Variants in XRN2 observed in about 807,000 individuals in gnomAD.
The protein encoded by XRN2 is 5'-3' exoribonuclease 2, also known as DHM1-like protein.
XRN2 carries 44 observed loss-of-function variants against 138.5 expected under a neutral mutation model. The observed-to-expected ratio is 0.32, with a 90% confidence interval of 0.25 to 0.41. The LOEUF is 0.41. Among genes scored for constraint, XRN2 ranks in the 10% least tolerant of loss-of-function variants. The probability of loss-of-function intolerance (pLI) is 1.00; values close to 1 mark genes in which losing one functional copy is unlikely to be tolerated. For synonymous variants in XRN2, 354 were observed against 369.4 expected, an observed-to-expected ratio of 0.96 and a Z score of 0.48; for missense variants, 937 against 1,169.3, an observed-to-expected ratio of 0.80 and a Z score of 2.90.
chr20:21,365,901 T>TATATATATA (rs2038691246), intron 26 of XRN2, among the ~76,000 whole-genome samples, 197 bp downstream of exon 26: 2 of 122,720 alleles, frequency 1.6e-5, no homozygotes, highest in Admixed American at 2.1e-4. Context: ...TATAATTATA[T>TATATATATA]ATATAATATA....
At chr20:21,352,024 G>C (rs6035853) in intron 20 of XRN2, among the ~76,000 whole-genome samples, 103,805 of 152,116 alleles carry the variant, frequency 0.68, 36,070 homozygotes, top group South Asian at 0.84. Flanking sequence ...TTCAAGGTCC[G>C]TTGAGATTTC....
intron 1 of XRN2, among the ~76,000 whole-genome samples, chr20:21,320,267 T>TTATTTATTTATTTATG (rs1555783260): frequency 9.0e-5 from 13 of 144,750 alleles, no homozygotes; most frequent in Admixed American, 4.1e-4. Context: ...TTGGCATCAT[T>TTATTTATTTATTTATG]TATTTATTTA....
chr20:21,307,608 A>G lies in XRN2; in HGVS notation c.75+4135A>G, dbSNP rs2037823472. ...GGAATGTAGTGTGCAATCATGGCTC[A>G]CTGCAGCCTCAAAGTCCTGGGCTTA... On this transcript the variant is annotated intron_variant, in intron 1 of 29. Transcript: ENST00000377191. 2.6e-5 allele frequency among the ~76,000 whole-genome samples: 2 copies of G among 76,274 alleles called. 1 individual carries two copies. The highest frequency in any genetic ancestry group is 7.2e-5 in the African/African-American group (2 of 27,820). The allele number at this position is 76,274 out of a possible 152,430, so 50.0% of individuals were successfully genotyped here.
At chr20:21,382,424 C>G (rs1048581099) in intron 28 of XRN2, among the ~76,000 whole-genome samples, 1 of 152,206 alleles carries the variant, frequency 6.6e-6, no homozygotes, top group African/African-American at 2.4e-5. Flanking sequence ...TTTATCATTT[C>G]TGTGCGGGCA....
intron 25 of XRN2, 25 bp downstream of exon 25, chr20:21,365,514 T>C (rs2038682699): frequency 1.9e-6 from 3 of 1,613,730 alleles, no homozygotes; most frequent in Non-Finnish European, 1.7e-6. Flanking sequence ...TTACCTAGAT[T>C]TATTTTGTAC....
Position 21,356,639 on chromosome 20 carries a change from G to C in XRN2, c.2172G>C (p.Leu724Phe). The C allele has an allele frequency of 6.2e-7, 1 of 1,613,578 alleles. No homozygotes were observed. Among genetic ancestry groups the C allele is most frequent in the Non-Finnish European group, 8.5e-7 (1 of 1,179,676 alleles). ...ATGGGATTCAAGGAAAGTTTTCTTT[G>C]GATGAAGAAGCCATTCTTCCAGATC... ...LCHGIQGKFS[L>F]DEEAILPDQI... is the part of the protein sequence containing the mutation. Residue 724 changes from leucine (L) to phenylalanine (F), a missense_variant, in exon 23 of 30, where the codon TTG (leucine) becomes TTC (phenylalanine). This residue lies in a region of XRN2 where 372 missense variants were observed against 414.4 expected (regional missense o/e 0.90). Transcript: ENST00000377191.
chr20:21,336,339 A>G lies in XRN2; in HGVS notation c.1233+2154A>G, dbSNP rs1001571903. ...AAGCTGGGCGTGGTGGTGGGCGCCTATAATCCCAGCCGCTTGGGAGGCTGA... is the reference window on the plus strand; with the variant it reads ...AAGCTGGGCGTGGTGGTGGGCGCCTGTAATCCCAGCCGCTTGGGAGGCTGA... On this transcript the variant is annotated intron_variant, in intron 13 of 29. Coordinates refer to ENST00000377191, the MANE Select transcript of XRN2 (RefSeq NM_012255.5). Among the ~76,000 whole-genome samples, 4 of 152,120 alleles carry G rather than the reference A, an allele frequency of 2.6e-5. No homozygotes were observed. The East Asian group carries it at 7.7e-4, about 29-fold the overall frequency.
chr20:21,331,665 G>A, intron 7 of XRN2, 32 bp downstream of exon 7: 1 of 1,602,460 alleles, frequency 6.2e-7, no homozygotes, highest in African/African-American at 1.3e-5. Context: ...TTGATTATAT[G>A]TTCTATTTTT....
chr20:21,374,420 G>T (rs1322969508), intron 27 of XRN2, among the ~76,000 whole-genome samples: 1 of 152,020 alleles, frequency 6.6e-6, no homozygotes, highest in Admixed American at 6.5e-5. Context: ...GACTTTTACT[G>T]TTTCATCATT....
At chr20:21,355,058 AGTT>A (rs1440719667) in intron 21 of XRN2, among the ~76,000 whole-genome samples, 186 bp downstream of exon 21, 14 of 152,200 alleles carry the variant, frequency 9.2e-5, no homozygotes, top group Non-Finnish European at 1.6e-4. Context: ...GTTGAGTAGT[AGTT>A]AAATAAAATG....
chr20:21,303,580 C>T (rs781384583), intron 1 of XRN2, 107 bp downstream of exon 1: 12 of 1,394,424 alleles, frequency 8.6e-6, no homozygotes, highest in Admixed American at 3.8e-5. Context: ...TGCCGGAGCT[C>T]GCGCCCTGCT....
intron 19 of XRN2, among the ~76,000 whole-genome samples, 157 bp from the exon 20 acceptor site, chr20:21,349,232 C>G (rs2038476572): frequency 6.6e-6 from 1 of 152,148 alleles, no homozygotes; most frequent in Non-Finnish European, 1.5e-5. Flanking sequence ...TTTTACTATA[C>G]TTGGGATTAA....
chr20:21,379,174 A>G (rs2038856603), intron 27 of XRN2, among the ~76,000 whole-genome samples: 1 of 152,234 alleles, frequency 6.6e-6, no homozygotes, highest in Non-Finnish European at 1.5e-5. Flanking sequence ...TAGAAAAGGG[A>G]TAAGTTTTTA....
At chr20:21,340,652 C>G in intron 14 of XRN2, 69 bp from the exon 15 acceptor site, 1 of 1,557,494 alleles carries the variant, frequency 6.4e-7, no homozygotes, top group Non-Finnish European at 8.7e-7. Flanking sequence ...CATTGCCCTT[C>G]TTTCCTTTCT....
At chr20:21,387,796 G>A (rs1033916403) in intron 29 of XRN2, among the ~76,000 whole-genome samples, 5 of 152,146 alleles carry the variant, frequency 3.3e-5, no homozygotes, top group Non-Finnish European at 5.9e-5. Context: ...TGCTTACCTG[G>A]TGTTGCCTCC....
intron 13 of XRN2, among the ~76,000 whole-genome samples, chr20:21,335,172 T>TG (rs1341794226): frequency 6.6e-6 from 1 of 152,156 alleles, no homozygotes; most frequent in East Asian, 1.9e-4. Flanking sequence ...GGACAGGGTT[T>TG]GGGATCCACT....
At chr20:21,325,729 G>A (rs2038117526) in intron 1 of XRN2, among the ~76,000 whole-genome samples, 2 of 152,200 alleles carry the variant, frequency 1.3e-5, no homozygotes, top group South Asian at 4.1e-4. Flanking sequence ...CACCTGCTGT[G>A]AGAATCATTA....
intron 9 of XRN2, among the ~76,000 whole-genome samples, chr20:21,332,805 C>T (rs1018286859): frequency 1.3e-5 from 2 of 152,150 alleles, no homozygotes; most frequent in African/African-American, 2.4e-5. Flanking sequence ...CTACACGAGG[C>T]TTAGTTCCCA....
chr20:21,348,511 C>A, intron 19 of XRN2, 81 bp downstream of exon 19: 2 of 1,290,122 alleles, frequency 1.6e-6, no homozygotes, highest in Non-Finnish European at 2.2e-6. Flanking sequence ...GCTTTTGCAG[C>A]TGATAGTTAA....
Sources: gnomAD v4.1 joint callset for allele counts (sites outside exome capture counted in the v4.1 genomes callset) on GRCh38, gnomAD v4.1.1 for gene constraint, gnomAD v4.1.1 regional missense constraint, MANE v1.5 for transcripts, NCBI Gene and HGNC (gene_info 2026-07-23, HGNC 2026-07-21) for gene names.